CRYZL1: variants seen among roughly 807,000 people sequenced by gnomAD.
CRYZL1 encodes the protein crystallin zeta like 1.
In CRYZL1, 34 loss-of-function variants were observed where a neutral mutation model predicts 50.6. That is an observed-to-expected ratio of 0.67 (90% CI 0.51 to 0.89). The LOEUF is 0.89. Among genes scored for constraint, CRYZL1 ranks in the 40% least tolerant of loss-of-function variants. The pLI, the probability that CRYZL1 is intolerant of heterozygous loss-of-function variation, is 0.00. For synonymous variants in CRYZL1, 125 were observed against 134.3 expected (o/e 0.93, Z 0.48); for missense variants, 354 against 402.3 (o/e 0.88, Z 1.03).
chr21:33,628,416 T>A (rs2087094739), intron 2 of CRYZL1, among the ~76,000 whole-genome samples: 3 of 152,192 alleles, frequency 2.0e-5, no homozygotes, highest in Non-Finnish European at 4.4e-5. Flanking sequence ...ATGGACATTT[T>A]AACAATATTA....
chr21:33,640,918 G>T (rs2087296621), intron 1 of CRYZL1, among the ~76,000 whole-genome samples: 1 of 152,176 alleles, frequency 6.6e-6, no homozygotes, highest in African/African-American at 2.4e-5. Flanking sequence ...TTAAATATTT[G>T]TTTAAGCGTT....
chr21:33,595,158 C>A, intron 11 of CRYZL1: 1 of 1,054,740 alleles, frequency 9.5e-7, no homozygotes, highest in Non-Finnish European at 1.2e-6. Context: ...ATTATTTTTA[C>A]TCAACTGGAA....
intron 8 of CRYZL1, among the ~76,000 whole-genome samples, 153 bp downstream of exon 8, chr21:33,602,081 C>T (rs186584755): frequency 2.6e-5 from 4 of 151,544 alleles, no homozygotes; most frequent in East Asian, 3.9e-4. Context: ...CTCAAGCAAT[C>T]CTCCCATCCT....
rs139662797 is a variant in CRYZL1 at position 33,590,946 on chromosome 21, C to A, written c.950+216G>T. 3.8e-3 allele frequency among the ~76,000 whole-genome samples: 573 copies of A among 152,262 alleles called. 10 individuals are homozygous for A. The highest frequency in any genetic ancestry group is 0.034 in the Admixed American group (526 of 15,292). On this transcript the variant is annotated intron_variant, in intron 12 of 12. Transcript: ENST00000381554. Reference sequence around the variant, plus strand: ...CACTTTGATAAATATTAAAGAGCAGCTATTTAAACGAAATATAAGATCAGT... The same window carrying A: ...CACTTTGATAAATATTAAAGAGCAGATATTTAAACGAAATATAAGATCAGT...
chr21:33,616,385 T>C (rs2086932396), intron 5 of CRYZL1: 1 of 200,088 alleles, frequency 5.0e-6, no homozygotes, highest in East Asian at 1.3e-4. Flanking sequence ...CTCTGCCTCC[T>C]GGGTTTAAGC....
chr21:33,633,058 A>AG (rs1304596510), intron 1 of CRYZL1, among the ~76,000 whole-genome samples: 1 of 151,732 alleles, frequency 6.6e-6, no homozygotes, highest in Admixed American at 6.6e-5. Context: ...TGTTACTTGT[A>AG]GTTGTATTCC....
chr21:33,634,156 A>C (rs1312283357), intron 1 of CRYZL1, among the ~76,000 whole-genome samples: 2 of 152,238 alleles, frequency 1.3e-5, no homozygotes, highest in African/African-American at 4.8e-5. Context: ...CTTTGGTTGC[A>C]GAAGGTCTTT....
At chr21:33,631,109 G>T (rs537777437) in intron 2 of CRYZL1, among the ~76,000 whole-genome samples, 1 of 152,276 alleles carries the variant, frequency 6.6e-6, no homozygotes, top group African/African-American at 2.4e-5. Context: ...AGTTAACAAC[G>T]TATTGCATAT....
chr21:33,607,669 AC>A (rs2086827544), intron 6 of CRYZL1, among the ~76,000 whole-genome samples: 2 of 152,146 alleles, frequency 1.3e-5, no homozygotes, highest in Non-Finnish European at 2.9e-5. Flanking sequence ...AACACCAAAG[AC>A]AAATTAAAAA....
intron 9 of CRYZL1, among the ~76,000 whole-genome samples, chr21:33,597,603 G>A (rs545436434): frequency 1.5e-4 from 18 of 122,872 alleles, no homozygotes; most frequent in African/African-American, 4.5e-4. Context: ...CACTGTGTCC[G>A]CCGGCACTCT....
At chr21:33,602,678 G>A (rs2086769158) in intron 7 of CRYZL1, among the ~76,000 whole-genome samples, 1 of 152,144 alleles carries the variant, frequency 6.6e-6, no homozygotes, top group South Asian at 2.1e-4. Context: ...GATGGTCTAA[G>A]CTAATTATAT....
At chr21:33,597,936 A>G (rs958822944) in intron 9 of CRYZL1, among the ~76,000 whole-genome samples, 1 of 152,194 alleles carries the variant, frequency 6.6e-6, no homozygotes, top group African/African-American at 2.4e-5. Flanking sequence ...TAATGTACAA[A>G]TGAGGAAATA....
At chr21:33,603,692 T>C (rs1280680993) in intron 6 of CRYZL1, among the ~76,000 whole-genome samples, 155 bp from the exon 7 acceptor site, 3 of 152,210 alleles carry the variant, frequency 2.0e-5, no homozygotes, top group Non-Finnish European at 4.4e-5. Flanking sequence ...TATTTGCCCA[T>C]GAATAATTCT....
rs561397536 is a variant in CRYZL1 at position 33,641,671 on chromosome 21, C to T, written c.-7+10G>A. On this transcript the variant is annotated intron_variant, in intron 1 of 12. Transcript: ENST00000381554. ...TTCCCAAGACACAGGACGCGTTTCC[C>T]GGGGCTCACCTGCCTCTGAGCCGCC... 2.9e-5 allele frequency: 5 copies of T among 170,370 alleles called. No individual in the cohort carries two copies. The East Asian group carries it at 8.8e-4, about 30-fold the overall frequency. The allele number at this position is 170,370 out of a possible 1,614,324, so 10.6% of individuals were successfully genotyped here.
intron 10 of CRYZL1, among the ~76,000 whole-genome samples, chr21:33,596,697 C>A (rs942033980): frequency 1.3e-5 from 2 of 151,462 alleles, no homozygotes; most frequent in Admixed American, 6.6e-5. Context: ...ATGTCTAAAT[C>A]ACTAAATAAA....
rs1263278467 is a variant in CRYZL1, at chr21:33,589,469, C to T, written c.*353G>A. ...CAAAATTAATACGTTACTTTGATAG[C>T]TTAGCAAAGGCCTGCAACAGCTTTT... is the stretch of plus-strand genomic sequence containing the variant. On this transcript the variant is annotated 3_prime_UTR_variant, in exon 13 of 13. Transcript: ENST00000381554. The T allele has an allele frequency of 2.6e-5, 10 of 381,144 alleles. No individual in the cohort carries two copies. Among genetic ancestry groups the T allele is most frequent in the East Asian group, 8.8e-5 (2 of 22,842 alleles). 23.6% of individuals were successfully genotyped at this position (381,144 alleles called of 1,614,324 possible). A position where few individuals can be genotyped will look rare whatever the true frequency, so the allele number is the denominator to read the frequency against.
At chr21:33,595,244 T>C (rs1569081267) in intron 11 of CRYZL1, 1 of 1,002,912 alleles carries the variant, frequency 1.0e-6, no homozygotes, top group Admixed American at 4.1e-5. Flanking sequence ...CTTCATTTGA[T>C]AAAGATTTCC....
chr21:33,617,765 T>C (rs1457963154), intron 4 of CRYZL1, among the ~76,000 whole-genome samples: 1 of 152,152 alleles, frequency 6.6e-6, no homozygotes. Context: ...AATCTACAGA[T>C]AACACAACCG....
Position 33,591,143 on chromosome 21 carries a change from T to C in CRYZL1, c.950+19A>G, listed in dbSNP as rs762122129. The C allele has an allele frequency of 1.9e-6, 3 of 1,577,152 alleles. No individual in the cohort carries two copies. ...ATAGAAAAACAAACAAGAACAATGA[T>C]TTGGTTACTTTAGCGTACCTGAAAA... is the stretch of plus-strand genomic sequence containing the variant. On this transcript the variant is annotated intron_variant, in intron 12 of 12. Transcript: ENST00000381554.
Sources: gnomAD v4.1 joint callset for allele counts (sites outside exome capture counted in the v4.1 genomes callset) on GRCh38, gnomAD v4.1.1 for gene constraint, MANE v1.5 for transcripts, NCBI Gene and HGNC (gene_info 2026-07-23, HGNC 2026-07-21) for gene names.